CEP68: variants seen among roughly 807,000 people sequenced by gnomAD.
CEP68 encodes centrosomal protein of 68 kDa.
In CEP68, 26 loss-of-function variants were observed where a neutral mutation model predicts 55.3. That is an observed-to-expected ratio of 0.47 (90% CI 0.34 to 0.65). CEP68 has a LOEUF of 0.65. Ranked by LOEUF, CEP68 falls within the 30% of genes least tolerant of loss-of-function variation. The pLI, the probability that CEP68 is intolerant of heterozygous loss-of-function variation, is 0.01. For synonymous variants in CEP68, 402 were observed against 383.2 expected (o/e 1.05, Z -0.57); for missense variants, 957 against 946.7 (o/e 1.01, Z -0.14).
At chr2:65,078,472 TTGAA>T (rs1304067911) in intron 5 of CEP68, among the ~76,000 whole-genome samples, 2 of 152,176 alleles carry the variant, frequency 1.3e-5, no homozygotes, top group South Asian at 2.1e-4. Flanking sequence ...AGGGAACAGA[TTGAA>T]TGAAGAACTG....
intron 1 of CEP68, among the ~76,000 whole-genome samples, chr2:65,066,557 A>C (rs1676178851): frequency 6.6e-6 from 1 of 151,054 alleles, no homozygotes; most frequent in African/African-American, 2.4e-5. Context: ...GTGAAACCCC[A>C]TCTCTACTAA....
rs529336379 is a variant in CEP68 at position 65,086,126 on chromosome 2, G to C, written c.*2492G>C. The C allele has an allele frequency of 6.6e-6, 1 of 152,222 alleles. No individual in the cohort carries two copies. The allele number at this position is 152,222 out of a possible 1,614,324, so 9.4% of individuals were successfully genotyped here. On this transcript the variant is annotated 3_prime_UTR_variant, in exon 7 of 7. Transcript: ENST00000377990. The stretch of plus-strand genomic sequence containing the variant: ...TGGGAATGGAACACAAAGAAGGTTT[G>C]AGGTAAGATATGCTGGAAAGGCAAG...
At chr2:65,070,698 G>A (rs1414678760) in intron 2 of CEP68, 1 of 151,990 alleles carries the variant, frequency 6.6e-6, no homozygotes, top group Non-Finnish European at 1.5e-5. Context: ...CACAGAAATG[G>A]CCTTTCACGG....
chr2:65,069,818 G>A lies in CEP68; in HGVS notation c.357+17G>A, dbSNP rs746529668. On this transcript the variant is annotated intron_variant, in intron 2 of 6. Coordinates refer to ENST00000377990, the MANE Select transcript of CEP68 (RefSeq NM_015147.3). ...GAAAGCCAGGTAGGTACTAAGGCAA[G>A]ACTGTAGATGGACCCATTGCTGTCC... The A allele has an allele frequency of 1.1e-5, 17 of 1,593,424 alleles. No homozygotes were observed. In the South Asian group the frequency reaches 1.9e-4, roughly 18 times the overall value.
intron 2 of CEP68, chr2:65,070,683 A>G (rs2103771614): frequency 6.6e-6 from 1 of 151,876 alleles, no homozygotes; most frequent in South Asian, 2.1e-4. Context: ...CGAATCATAA[A>G]CAGACACAGA....
Position 65,071,986 on chromosome 2 carries a change from A to G in CEP68, c.890A>G (p.Lys297Arg), listed in dbSNP as rs1676489259. 6.2e-7 allele frequency: 1 copy of G among 1,612,582 alleles called. No individual in the cohort carries two copies. The highest frequency in any genetic ancestry group is 8.5e-7 in the Non-Finnish European group (1 of 1,179,936). ...CACTCCCCTCTCTGGAACCCAAATA[A>G]AGAGTATGAAGATCTGCTTGACTAT... Reference protein sequence around the residue: ...DRHSPLWNPNKEYEDLLDYTY... With the variant: ...DRHSPLWNPNREYEDLLDYTY... The change falls in exon 3 of 7, where the codon AAA becomes AGA. Residue 297 changes from lysine (K) to arginine (R), a missense_variant. Coordinates refer to ENST00000377990, the MANE Select transcript of CEP68 (RefSeq NM_015147.3).
chr2:65,066,148 A>G (rs1189510051), intron 1 of CEP68, among the ~76,000 whole-genome samples: 1 of 152,066 alleles, frequency 6.6e-6, no homozygotes, highest in African/African-American at 2.4e-5. Flanking sequence ...AGTCAGCCCC[A>G]TTCACCTAAG....
intron 4 of CEP68, among the ~76,000 whole-genome samples, chr2:65,076,795 T>C (rs538763420): frequency 5.3e-5 from 8 of 152,146 alleles, no homozygotes; most frequent in African/African-American, 1.2e-4. Context: ...AAGTTCTGGC[T>C]GGGCACGGTG....
At chr2:65,080,606 G>A (rs1676966212) in intron 5 of CEP68, 1 of 913,946 alleles carries the variant, frequency 1.1e-6, no homozygotes, top group Non-Finnish European at 1.3e-6. Flanking sequence ...TCACCTGAGG[G>A]CAGGAGTTCA....
chr2:65,056,722 G>A (rs1675615960), intron 1 of CEP68, among the ~76,000 whole-genome samples, 194 bp downstream of exon 1: 1 of 152,076 alleles, frequency 6.6e-6, no homozygotes, highest in African/African-American at 2.4e-5. Flanking sequence ...GGGGGGCGGG[G>A]GCGCCTCGTG....
intron 5 of CEP68, chr2:65,080,704 G>A: frequency 4.3e-6 from 1 of 231,016 alleles, no homozygotes; most frequent in Non-Finnish European, 7.1e-6. Flanking sequence ...TGTAATCCCA[G>A]CTACTCAGGA....
chr2:65,074,507 G>A lies in CEP68; in HGVS notation c.2007+103G>A, dbSNP rs769523262. 4 of 1,525,806 alleles carry A rather than the reference G, an allele frequency of 2.6e-6. No individual in the cohort carries two copies. The Admixed American group carries it at 5.0e-5, about 19-fold the overall frequency. The allele number at this position is 1,525,806 out of a possible 1,614,324, so 94.5% of individuals were successfully genotyped here. ...AATAACCAATGTCTGGTATGTTATA[G>A]CTCAGTTGACTATTATACCTGAAAT... is the stretch of plus-strand genomic sequence containing the variant. On this transcript the variant is annotated intron_variant, in intron 4 of 6. Transcript: ENST00000377990.
At chr2:65,076,313 C>A (rs1676753974) in intron 4 of CEP68, among the ~76,000 whole-genome samples, 1 of 152,152 alleles carries the variant, frequency 6.6e-6, no homozygotes, top group South Asian at 2.1e-4. Context: ...TAATTCCATC[C>A]CTCCGTCTTA....
chr2:65,077,671 ACT>A (rs1258340042), intron 4 of CEP68, among the ~76,000 whole-genome samples, 195 bp from the exon 5 acceptor site: 2 of 151,886 alleles, frequency 1.3e-5, no homozygotes, highest in Admixed American at 1.3e-4. Context: ...AAAACTACTG[ACT>A]CTATTTACCT....
At chr2:65,066,745 A>AAAAAAATAT (rs70943620) in intron 1 of CEP68, among the ~76,000 whole-genome samples, 27 of 58,380 alleles carry the variant, frequency 4.6e-4, no homozygotes, top group Non-Finnish European at 6.4e-4. Flanking sequence ...AAAAAAAAAA[A>AAAAAAATAT]ATATATATAT....
At position 65,083,868 on chromosome 2, in the gene CEP68, G is replaced by A. The variant is rs1396956291; in HGVS notation, c.*234G>A. The A allele has an allele frequency of 6.6e-6, 1 of 152,156 alleles. No individual in the cohort carries two copies. Among genetic ancestry groups the A allele is most frequent in the Non-Finnish European group, 1.5e-5 (1 of 68,034 alleles). 9.4% of individuals were successfully genotyped at this position (152,156 alleles called of 1,614,324 possible). A position where few individuals can be genotyped will look rare whatever the true frequency, so the allele number is the denominator to read the frequency against. On this transcript the variant is annotated 3_prime_UTR_variant, in exon 7 of 7. Coordinates refer to ENST00000377990, the MANE Select transcript of CEP68 (RefSeq NM_015147.3). ...TTTCCTTTTGGTGCTTCTCCACAAA[G>A]AGCGTGTAGCTTTGCAATTTTTGAT...
In CEP68 at chr2:65,071,617, G is replaced by A; in HGVS notation, c.521G>A (p.Gly174Asp). Residue 174 changes from glycine to aspartate, a missense_variant, in exon 3 of 7, where the codon GGT becomes GAT. By Grantham distance (94) the Gly-to-Asp change is moderately conservative. Transcript: ENST00000377990. ...CTCAGCCAGCAGCCTCACAGCTCAG[G>A]TCTCTCTTGCCTGTCACAGTGGAAG... ...LDLSQQPHSSGLSCLSQWKSV... is the reference protein window; with the variant it reads ...LDLSQQPHSSDLSCLSQWKSV... The A allele has an allele frequency of 6.2e-7, 1 of 1,614,162 alleles. No individual in the cohort carries two copies. The highest frequency in any genetic ancestry group is 1.1e-5 in the South Asian group (1 of 91,086).
chr2:65,066,255 A>C (rs1039052430), intron 1 of CEP68, among the ~76,000 whole-genome samples: 4 of 152,204 alleles, frequency 2.6e-5, no homozygotes, highest in African/African-American at 9.6e-5. Flanking sequence ...CCATACAGAC[A>C]GTGACCTCAG....
chr2:65,077,855 G>A lies in CEP68; in HGVS notation c.2008-13G>A. 2.5e-6 allele frequency: 4 copies of A among 1,594,714 alleles called. No homozygotes were observed. The highest frequency in any genetic ancestry group is 3.4e-6 in the Non-Finnish European group (4 of 1,167,210). ...CGAAGCTTCTGCCTTTTCTTTTTCT[G>A]ATACGCCTTAAGCAATTTAAGAAAG... is the stretch of plus-strand genomic sequence containing the variant. On this transcript the variant is annotated splice_polypyrimidine_tract_variant and intron_variant, in intron 4 of 6. Coordinates refer to ENST00000377990, the MANE Select transcript of CEP68 (RefSeq NM_015147.3).
Sources: allele counts gnomAD v4.1 joint callset (sites outside exome capture counted in the v4.1 genomes callset), GRCh38; gene constraint gnomAD v4.1.1; transcripts MANE v1.5; gene names NCBI Gene and HGNC (gene_info 2026-07-23, HGNC 2026-07-21).